The following LIPA variants were observed in gnomAD, a reference collection of about 807,000 sequenced individuals.
LIPA encodes lysosomal acid lipase/cholesteryl ester hydrolase.
Under a neutral mutation model 40.6 loss-of-function variants are expected in LIPA, and 26 were observed. That is an observed-to-expected ratio of 0.64 (90% CI 0.47 to 0.89). LIPA has a LOEUF of 0.89. LIPA is among the 40% of genes least tolerant of loss of function. The pLI, the probability that LIPA is intolerant of heterozygous loss-of-function variation, is 0.00. For missense variants in LIPA, 455 were observed against 479.6 expected (o/e 0.95, Z 0.48); for synonymous variants, 188 against 168.4 (o/e 1.12, Z -0.90).
chr10:89,232,319 G>A (rs1486161074), intron 3 of LIPA, among the ~76,000 whole-genome samples: 4 of 152,152 alleles, frequency 2.6e-5, no homozygotes, highest in Admixed American at 2.6e-4. Context: ...CCCACCAGGA[G>A]TGATCAGGAG....
intron 3 of LIPA, among the ~76,000 whole-genome samples, chr10:89,236,430 C>G (rs1414286390): frequency 6.6e-6 from 1 of 152,208 alleles, no homozygotes; most frequent in Non-Finnish European, 1.5e-5. Flanking sequence ...AAAAAGTGAT[C>G]TCTTGCAGTT....
upstream of LIPA, among the ~76,000 whole-genome samples, chr10:89,256,160 C>G (rs530615284): frequency 6.6e-6 from 1 of 152,308 alleles, no homozygotes; most frequent in Non-Finnish European, 1.5e-5. Flanking sequence ...CTGCAGAGGT[C>G]AGACCACTCC....
In LIPA at chr10:89,250,107, C is replaced by CTTTTTTTTTTTT. The variant is rs398038546; in HGVS notation, c.-2+1618_-2+1629dup. ...TTTTTCTTTTTCTTTTCTTTTCTTT[C>CTTTTTTTTTTTT]TTTTTTTTTTTTGAGACAGTCTTGC... On this transcript the variant is annotated intron_variant, in intron 1 of 9. Transcript: ENST00000336233. 7.5e-4 allele frequency among the ~76,000 whole-genome samples: 72 copies of CTTTTTTTTTTTT among 96,056 alleles called. 1 individual carries two copies. Among genetic ancestry groups the CTTTTTTTTTTTT allele is most frequent in the African/African-American group, 1.6e-3 (35 of 21,968 alleles). 63.0% of individuals were successfully genotyped at this position (96,056 alleles called of 152,430 possible).
At chr10:89,358,516 A>G (rs1844001652) in intron 2 of LIPA, among the ~76,000 whole-genome samples, 1 of 152,230 alleles carries the variant, frequency 6.6e-6, no homozygotes, top group Non-Finnish European at 1.5e-5. Context: ...CCAAGATATA[A>G]AAACAAACTA....
intron 2 of LIPA, chr10:89,392,766 A>G (rs1391208519): frequency 6.3e-7 from 1 of 1,592,354 alleles, no homozygotes; most frequent in East Asian, 2.2e-5. Context: ...TTTTTGAAAA[A>G]ATGGTAATTA....
chr10:89,323,009 G>A (rs544855227), intron 1 of LIPA, among the ~76,000 whole-genome samples: 1 of 152,278 alleles, frequency 6.6e-6, no homozygotes, highest in Admixed American at 6.5e-5. Context: ...GGCAAGGTAG[G>A]CAACCCCACC....
Position 89,309,724 on chromosome 10 carries a change from A to C in LIPA, c.-2+32887T>G, listed in dbSNP as rs193101539. On this transcript the variant is annotated intron_variant, in intron 1 of 5. Coordinates refer to the LIPA transcript ENST00000282673. ...AGAAAAGGGAAACATAACATATTAC[A>C]CTTAATATGAGGGCTTAAAGTTAAC... is the stretch of plus-strand genomic sequence containing the variant. Among the ~76,000 whole-genome samples the C allele has an allele frequency of 7.7e-4, 117 of 152,328 alleles. 1 individual carries two copies. In the Middle Eastern group the frequency reaches 0.01, roughly 13 times the overall value.
intron 1 of LIPA, among the ~76,000 whole-genome samples, chr10:89,313,418 G>A (rs1483008094): frequency 6.6e-6 from 1 of 152,132 alleles, no homozygotes; most frequent in Non-Finnish European, 1.5e-5. Context: ...AAGAAAATCT[G>A]TATTACCTCA....
Position 89,273,200 on chromosome 10 carries a change from T to G in LIPA, c.-1-25551A>C, listed in dbSNP as rs536108838. Among the ~76,000 whole-genome samples, 8 of 152,274 alleles carry G rather than the reference T, an allele frequency of 5.3e-5. No homozygotes were observed. In the South Asian group the frequency reaches 1.7e-3, roughly 32 times the overall value. On this transcript the variant is annotated intron_variant, in intron 1 of 5. Coordinates refer to the LIPA transcript ENST00000282673. The stretch of plus-strand genomic sequence containing the variant: ...TCCTTTCTATTTTTCTCTTTGTTTT[T>G]TGTAAAAGAAATTAACTTGATACAT...
At chr10:89,332,523 C>A in intron 1 of LIPA, 1 of 1,610,770 alleles carries the variant, frequency 6.2e-7, no homozygotes, top group Non-Finnish European at 8.5e-7. Flanking sequence ...CCTAACAGCA[C>A]CCTGGGTGGA....
At chr10:89,412,796 G>A (rs1841484392) in exon 2 of LIPA, 1 of 413,962 alleles carries the variant, frequency 2.4e-6, no homozygotes, top group South Asian at 1.7e-5. Flanking sequence ...CTCACCAGAA[G>A]GAAGAAACTC....
Position 89,232,631 on chromosome 10 carries a change from G to A in LIPA, c.230-4233C>T, listed in dbSNP as rs1930053. Among the ~76,000 whole-genome samples the A allele has an allele frequency of 4.0e-3, 615 of 152,330 alleles. 6 individuals carry two copies. In the Middle Eastern group the frequency reaches 0.041, roughly 10 times the overall value. ...TGGGGCAAGGATAATTGAGAGAGGAGAAGGAGGGTGATATGTGGCAGCCAG... is the reference window on the plus strand; with the variant it reads ...TGGGGCAAGGATAATTGAGAGAGGAAAAGGAGGGTGATATGTGGCAGCCAG... On this transcript the variant is annotated intron_variant, in intron 3 of 9. Coordinates refer to ENST00000336233, the MANE Select transcript of LIPA (RefSeq NM_000235.4).
intron 2 of LIPA, among the ~76,000 whole-genome samples, chr10:89,381,866 A>T (rs1476923120): frequency 6.6e-6 from 1 of 151,276 alleles, no homozygotes; most frequent in Non-Finnish European, 1.5e-5. Context: ...GTTCATGGCA[A>T]CCTCCACTTT....
intron 8 of LIPA, 117 bp downstream of exon 8, chr10:89,222,394 A>G: frequency 1.3e-6 from 1 of 759,508 alleles, no homozygotes; most frequent in South Asian, 1.4e-5. Context: ...ACTCTGGGGA[A>G]GAAAACCAGA....
rs760901300 is a variant in LIPA at position 89,226,998 on chromosome 10, A to G, written c.435T>C (p.Asp145=). 6.3e-7 allele frequency: 1 copy of G among 1,589,222 alleles called. No homozygotes were observed. The highest frequency in any genetic ancestry group is 1.7e-5 in the Admixed American group (1 of 59,996). Reference sequence around the variant, plus strand: ...CTGGTAGGTCATATTTTGCCATCTCATCATAACTGTAATCCAAGAAAGGAA... The same window carrying G: ...CTGGTAGGTCATATTTTGCCATCTCGTCATAACTGTAATCCAAGAAAGGAA... The part of the protein sequence containing the change: ...SQDEFWAFSY[D]EMAKYDLPAS... Residue 145 remains aspartate (D), a synonymous_variant, in exon 5 of 10, where the codon GAT becomes GAC. Coordinates refer to ENST00000336233, the MANE Select transcript of LIPA (RefSeq NM_000235.4).
In LIPA at chr10:89,221,132, G is replaced by C. The variant is rs113116167; in HGVS notation, c.894+1379C>G. ...ATGATATATTTGCTGTGTCGATTATGGTGATGGTTTCACAGGTGTATACAA... is the reference window on the plus strand; with the variant it reads ...ATGATATATTTGCTGTGTCGATTATCGTGATGGTTTCACAGGTGTATACAA... On this transcript the variant is annotated intron_variant, in intron 8 of 9. Coordinates refer to ENST00000336233, the MANE Select transcript of LIPA (RefSeq NM_000235.4). 4.0e-3 allele frequency among the ~76,000 whole-genome samples: 609 copies of C among 152,152 alleles called. 1 individual carries two copies. Among genetic ancestry groups the C allele is most frequent in the African/African-American group, 9.6e-3 (397 of 41,482 alleles).
chr10:89,225,304 TCG>T, intron 5 of LIPA, 76 bp from the exon 6 acceptor site: 2 of 1,571,518 alleles, frequency 1.3e-6, no homozygotes, highest in South Asian at 2.2e-5. Flanking sequence ...AGGCCGTCAC[TCG>T]CGACGCCCTC....
At chr10:89,293,032 A>T (rs921239575) in intron 1 of LIPA, among the ~76,000 whole-genome samples, 3 of 152,124 alleles carry the variant, frequency 2.0e-5, no homozygotes, top group Non-Finnish European at 4.4e-5. Flanking sequence ...CCCAAATCTC[A>T]TCTCAAATTA....
At chr10:89,407,818 G>A (rs1255013915) in intron 2 of LIPA, among the ~76,000 whole-genome samples, 1 of 151,952 alleles carries the variant, frequency 6.6e-6, no homozygotes, top group Non-Finnish European at 1.5e-5. Context: ...GACAGGCAAG[G>A]GTGCAGGTTT....
Sources: allele counts gnomAD v4.1 joint callset (sites outside exome capture counted in the v4.1 genomes callset), GRCh38; gene constraint gnomAD v4.1.1; transcripts MANE v1.5; gene names NCBI Gene and HGNC (gene_info 2026-07-23, HGNC 2026-07-21).